The following PLXDC2 variants were observed in gnomAD, a reference collection of about 807,000 sequenced individuals.
PLXDC2 encodes plexin domain-containing protein 2.
In PLXDC2, 40 loss-of-function variants were observed where a neutral mutation model predicts 68.9. The ratio of observed to expected loss-of-function variants is 0.58; its 90% CI spans 0.45 to 0.76. The LOEUF is 0.76. Ranked by LOEUF, PLXDC2 falls within the 30% of genes least tolerant of loss-of-function variation. PLXDC2 has a pLI of 0.00. For synonymous variants in PLXDC2, 243 were observed against 234.2 expected (o/e 1.04, Z -0.34); for missense variants, 644 against 661.9 (o/e 0.97, Z 0.30).
At chr10:20,209,531 A>AT (rs201922088) in intron 9 of PLXDC2, among the ~76,000 whole-genome samples, 17 of 151,492 alleles carry the variant, frequency 1.1e-4, no homozygotes, top group East Asian at 9.8e-4. Flanking sequence ...TATAATAATA[A>AT]AAAAAAAGAA....
intron 5 of PLXDC2, among the ~76,000 whole-genome samples, chr10:20,143,804 T>A (rs1350253504): frequency 6.6e-6 from 1 of 152,130 alleles, no homozygotes; most frequent in African/African-American, 2.4e-5. Flanking sequence ...GACATTAAAT[T>A]TCCAAAACTT....
chr10:19,976,264 A>G (rs942142421), intron 1 of PLXDC2, among the ~76,000 whole-genome samples: 3 of 151,916 alleles, frequency 2.0e-5, no homozygotes, highest in Admixed American at 6.6e-5. Flanking sequence ...CCCAGGCTGG[A>G]GTACAGTGGT....
intron 1 of PLXDC2, among the ~76,000 whole-genome samples, chr10:19,841,812 G>A (rs879687839): frequency 2.0e-4 from 30 of 152,048 alleles, no homozygotes; most frequent in Middle Eastern, 3.2e-3. Flanking sequence ...TATCTAATGT[G>A]CCTGTACATC....
At chr10:20,035,601 G>C (rs113458821) in intron 2 of PLXDC2, among the ~76,000 whole-genome samples, 2,686 of 152,098 alleles carry the variant, frequency 0.018, 77 homozygotes, top group African/African-American at 0.061. Flanking sequence ...TAGGCTAAAG[G>C]AGGAGAATCG....
chr10:20,005,053 T>G lies in PLXDC2; in HGVS notation c.324+3067T>G, dbSNP rs114943008. Among the ~76,000 whole-genome samples the G allele has an allele frequency of 4.4e-3, 669 of 152,292 alleles. 5 individuals carry two copies. Among genetic ancestry groups the G allele is most frequent in the African/African-American group, 0.015 (623 of 41,572 alleles). The stretch of plus-strand genomic sequence containing the variant: ...TTTTACACGAGGGCAATTTCAGAGT[T>G]AGGTTTTAGTATTTTCCTAAGGTCT... On this transcript the variant is annotated intron_variant, in intron 2 of 13. Coordinates refer to ENST00000377252, the MANE Select transcript of PLXDC2 (RefSeq NM_032812.9).
At chr10:20,096,600 C>A (rs1029127626) in intron 4 of PLXDC2, among the ~76,000 whole-genome samples, 2 of 151,928 alleles carry the variant, frequency 1.3e-5, no homozygotes, top group Non-Finnish European at 2.9e-5. Context: ...AGGAAATAGT[C>A]TCAAAACAAA....
At chr10:19,881,839 C>G (rs2131351129) in intron 1 of PLXDC2, among the ~76,000 whole-genome samples, 1 of 152,296 alleles carries the variant, frequency 6.6e-6, no homozygotes, top group South Asian at 2.1e-4. Context: ...TGGGTCATGA[C>G]AGTTCATATA....
chr10:19,973,285 T>TACATATATATGTATATATATATACTC (rs1564644087), intron 1 of PLXDC2, among the ~76,000 whole-genome samples: 5 of 111,310 alleles, frequency 4.5e-5, no homozygotes, highest in African/African-American at 1.6e-4. Flanking sequence ...TGTATACACA[T>TACATATATATGTATATATATATACTC]ACATATATAT....
At chr10:20,120,495 T>C in intron 4 of PLXDC2, among the ~76,000 whole-genome samples, 2 of 151,684 alleles carry the variant, frequency 1.3e-5, no homozygotes, top group East Asian at 3.9e-4. Context: ...AAGGCTGGTC[T>C]GTTATCAGAC....
intron 1 of PLXDC2, among the ~76,000 whole-genome samples, chr10:19,885,403 G>C (rs1355493966): frequency 2.6e-5 from 4 of 152,080 alleles, no homozygotes; most frequent in African/African-American, 9.7e-5. Flanking sequence ...ATTGCTTTTG[G>C]TGTTTTAGAC....
At chr10:20,253,307 G>GGT (rs1451164207) in intron 13 of PLXDC2, among the ~76,000 whole-genome samples, 1 of 151,424 alleles carries the variant, frequency 6.6e-6, no homozygotes, top group African/African-American at 2.4e-5. Flanking sequence ...GGAGGTTGCA[G>GGT]TGAGCCAAGA....
intron 12 of PLXDC2, among the ~76,000 whole-genome samples, chr10:20,236,459 TAAC>T (rs1267329927): frequency 6.6e-5 from 10 of 152,088 alleles, no homozygotes; most frequent in Admixed American, 6.6e-5. Context: ...TTAATAATAA[TAAC>T]AATAATTTTA....
chr10:19,832,324 T>C (rs1836709525), intron 1 of PLXDC2, among the ~76,000 whole-genome samples: 1 of 152,220 alleles, frequency 6.6e-6, no homozygotes, highest in African/African-American at 2.4e-5. Context: ...CATTTATCTT[T>C]CCATTCATTT....
chr10:20,217,326 T>G (rs1835150605), intron 10 of PLXDC2, 100 bp from the exon 11 acceptor site: 4 of 1,028,232 alleles, frequency 3.9e-6, no homozygotes, highest in Admixed American at 6.1e-5. Flanking sequence ...TGTCTTGATA[T>G]GAGAGGCTTT....
chr10:20,125,520 C>G (rs998540420), intron 4 of PLXDC2, among the ~76,000 whole-genome samples: 1 of 152,090 alleles, frequency 6.6e-6, no homozygotes, highest in Non-Finnish European at 1.5e-5. Context: ...GGCACGATCA[C>G]AACTCTGAGA....
At chr10:19,914,467 A>C (rs1833331650) in intron 1 of PLXDC2, among the ~76,000 whole-genome samples, 1 of 152,216 alleles carries the variant, frequency 6.6e-6, no homozygotes, top group South Asian at 2.1e-4. Flanking sequence ...TAATTCACCA[A>C]ATTGCAATCT....
chr10:19,905,861 C>G (rs1366495331), intron 1 of PLXDC2, among the ~76,000 whole-genome samples: 1 of 152,108 alleles, frequency 6.6e-6, no homozygotes. Flanking sequence ...TTAAGACAGT[C>G]TTTCTGACAG....
intron 2 of PLXDC2, among the ~76,000 whole-genome samples, chr10:20,044,191 T>TTCTC (rs201580211): frequency 3.5e-4 from 44 of 127,500 alleles, no homozygotes; most frequent in South Asian, 1.3e-3. Context: ...CTTTCTTTCT[T>TTCTC]TCTCTCTCTC....
intron 13 of PLXDC2, among the ~76,000 whole-genome samples, chr10:20,273,026 A>G (rs1564373116): frequency 6.6e-6 from 1 of 152,214 alleles, no homozygotes; most frequent in African/African-American, 2.4e-5. Context: ...TCTTCAACCT[A>G]TATGGTACTT....
Sources: allele counts gnomAD v4.1 joint callset (sites outside exome capture counted in the v4.1 genomes callset), GRCh38; gene constraint gnomAD v4.1.1; transcripts MANE v1.5; gene names NCBI Gene and HGNC (gene_info 2026-07-23, HGNC 2026-07-21).